Variants in KCNH5 observed in about 807,000 individuals in gnomAD.
KCNH5 encodes potassium voltage-gated channel subfamily H member 5.
KCNH5 carries 46 observed loss-of-function variants against 96.1 expected under a neutral mutation model. The ratio of observed to expected loss-of-function variants is 0.48; its 90% CI spans 0.38 to 0.61. KCNH5 has a LOEUF of 0.61. Ranked by LOEUF, KCNH5 falls within the 20% of genes least tolerant of loss-of-function variation. The pLI is 0.00. For missense variants in KCNH5, 907 were observed against 1,225.8 expected, an observed-to-expected ratio of 0.74 and a Z score of 3.88; for synonymous variants, 439 against 449.8, an observed-to-expected ratio of 0.98 and a Z score of 0.30.
At chr14:62,854,107 T>C (rs1180593383) in intron 7 of KCNH5, among the ~76,000 whole-genome samples, 1 of 151,800 alleles carries the variant, frequency 6.6e-6, no homozygotes, top group Non-Finnish European at 1.5e-5. Flanking sequence ...ACTATCACTA[T>C]CCACCTCCTT....
intron 7 of KCNH5, among the ~76,000 whole-genome samples, chr14:62,903,533 A>G (rs1480318175): frequency 1.3e-5 from 2 of 152,216 alleles, no homozygotes; most frequent in Non-Finnish European, 2.9e-5. Flanking sequence ...CTTTGGTTTC[A>G]TAAGCGTTTG....
intron 10 of KCNH5, among the ~76,000 whole-genome samples, chr14:62,741,790 A>G (rs1451390835): frequency 2.0e-5 from 3 of 152,160 alleles, no homozygotes; most frequent in Non-Finnish European, 4.4e-5. Flanking sequence ...TAGCCTCTAC[A>G]TTTGTGTTTT....
chr14:63,020,086 T>C (rs1024665784), intron 1 of KCNH5, among the ~76,000 whole-genome samples: 4 of 152,090 alleles, frequency 2.6e-5, no homozygotes, highest in Non-Finnish European at 4.4e-5. Flanking sequence ...CTTACAATCA[T>C]CATGCATCAG....
At chr14:62,779,336 G>A (rs531941635) in intron 10 of KCNH5, among the ~76,000 whole-genome samples, 1 of 152,308 alleles carries the variant, frequency 6.6e-6, no homozygotes, top group Non-Finnish European at 1.5e-5. Context: ...AGAGAGCTGA[G>A]AATGTAAAAC....
At chr14:62,796,005 A>T (rs1886533133) in intron 9 of KCNH5, among the ~76,000 whole-genome samples, 1 of 152,182 alleles carries the variant, frequency 6.6e-6, no homozygotes. Flanking sequence ...AACTTCCTGC[A>T]ATTCAGTACG....
chr14:62,883,652 T>A (rs1888536844), intron 7 of KCNH5, among the ~76,000 whole-genome samples: 1 of 152,156 alleles, frequency 6.6e-6, no homozygotes, highest in African/African-American at 2.4e-5. Context: ...TCAATAGTAC[T>A]AATTACCTCT....
At chr14:62,788,405 C>T (rs769277825) in intron 9 of KCNH5, among the ~76,000 whole-genome samples, 1 of 152,116 alleles carries the variant, frequency 6.6e-6, no homozygotes, top group Non-Finnish European at 1.5e-5. Flanking sequence ...TTTCTTGAGA[C>T]AGAATCTACT....
intron 9 of KCNH5, among the ~76,000 whole-genome samples, chr14:62,795,966 A>G (rs1886532511): frequency 6.6e-6 from 1 of 152,180 alleles, no homozygotes; most frequent in South Asian, 2.1e-4. Flanking sequence ...ACAACCTGCC[A>G]GGAAGAGGGA....
At chr14:62,821,126 A>C (rs1188263168) in intron 8 of KCNH5, among the ~76,000 whole-genome samples, 1 of 151,680 alleles carries the variant, frequency 6.6e-6, no homozygotes, top group Non-Finnish European at 1.5e-5. Context: ...GAAAAAAAAA[A>C]CCCTTAAAAA....
At chr14:63,014,803 G>T (rs1891293771) in intron 2 of KCNH5, among the ~76,000 whole-genome samples, 1 of 152,090 alleles carries the variant, frequency 6.6e-6, no homozygotes, top group Non-Finnish European at 1.5e-5. Flanking sequence ...TCAGGTAGAT[G>T]AGATCTGAGA....
chr14:63,016,794 A>C (rs202134586), intron 2 of KCNH5, 37 bp downstream of exon 2: 1 of 1,590,524 alleles, frequency 6.3e-7, no homozygotes, highest in Non-Finnish European at 8.5e-7. Flanking sequence ...TTTTTGTTAA[A>C]TTTCAGAAAA....
At chr14:62,988,082 G>T (rs1325069363) in intron 4 of KCNH5, among the ~76,000 whole-genome samples, 1 of 151,998 alleles carries the variant, frequency 6.6e-6, no homozygotes, top group Admixed American at 6.6e-5. Context: ...GCAATTTAAT[G>T]GGAAAGAATT....
At position 62,933,613 on chromosome 14, in the gene KCNH5, CA is replaced by C. The variant is rs565182311; in HGVS notation, c.1369+16519del. Among the ~76,000 whole-genome samples the C allele has an allele frequency of 7.2e-5, 11 of 152,092 alleles. No individual in the cohort carries two copies. The East Asian group carries it at 2.1e-3, about 29-fold the overall frequency. ...AAAACTGAAAATTCTCTCCAATAATCATGTAAAAACAAAAAGATAAATGCCA... is the reference window on the plus strand; with the variant it reads ...AAAACTGAAAATTCTCTCCAATAATCTGTAAAAACAAAAAGATAAATGCCA... On this transcript the variant is annotated intron_variant, in intron 7 of 10. Coordinates refer to ENST00000322893, the MANE Select transcript of KCNH5 (RefSeq NM_139318.5).
At chr14:62,950,048 G>T in intron 7 of KCNH5, 85 bp downstream of exon 7, 1 of 1,133,374 alleles carries the variant, frequency 8.8e-7, no homozygotes, top group South Asian at 1.4e-5. Context: ...TGTAAACAAA[G>T]TAGTTCGTTT....
chr14:62,883,463 T>C (rs74887231), intron 7 of KCNH5, among the ~76,000 whole-genome samples: 1,893 of 152,282 alleles, frequency 0.012, 10 homozygotes, highest in Non-Finnish European at 0.02. Flanking sequence ...CTCATGGAAT[T>C]CAAATTAAGA....
At chr14:62,913,229 G>C (rs780041851) in intron 7 of KCNH5, among the ~76,000 whole-genome samples, 2 of 151,930 alleles carry the variant, frequency 1.3e-5, no homozygotes, top group Non-Finnish European at 2.9e-5. Flanking sequence ...TGTTAAATGT[G>C]AAACTTTTTT....
In KCNH5 at chr14:62,707,011, C is replaced by A. The variant is rs1003827179; in HGVS notation, c.*497G>T. On this transcript the variant is annotated 3_prime_UTR_variant, in exon 11 of 11. Coordinates refer to ENST00000322893, the MANE Select transcript of KCNH5 (RefSeq NM_139318.5). ...AAACACTGCCTGTAGGGGAAAAGAACCTAACACTAAGTTACAGAAAAATAT... is the reference window on the plus strand; with the variant it reads ...AAACACTGCCTGTAGGGGAAAAGAAACTAACACTAAGTTACAGAAAAATAT... 1.3e-5 allele frequency: 2 copies of A among 152,110 alleles called. No individual in the cohort carries two copies. The highest frequency in any genetic ancestry group is 2.9e-5 in the Non-Finnish European group (2 of 68,012). The allele number at this position is 152,110 out of a possible 1,614,324, so 9.4% of individuals were successfully genotyped here. A position where few individuals can be genotyped will look rare whatever the true frequency, so the allele number is the denominator to read the frequency against.
chr14:62,898,598 T>G (rs756920688), intron 7 of KCNH5, among the ~76,000 whole-genome samples: 2 of 152,104 alleles, frequency 1.3e-5, no homozygotes, highest in African/African-American at 4.8e-5. Context: ...AATATAACTA[T>G]GTACTGTTTA....
At chr14:62,966,042 TG>T (rs1232760301) in intron 6 of KCNH5, among the ~76,000 whole-genome samples, 6 of 152,154 alleles carry the variant, frequency 3.9e-5, no homozygotes, top group African/African-American at 1.4e-4. Context: ...TTGCAACATC[TG>T]TAAAAGTTTT....
Sources: allele counts gnomAD v4.1 joint callset (sites outside exome capture counted in the v4.1 genomes callset), GRCh38; gene constraint gnomAD v4.1.1; transcripts MANE v1.5; gene names NCBI Gene and HGNC (gene_info 2026-07-23, HGNC 2026-07-21).